STXBP4: variants seen among roughly 807,000 people sequenced by gnomAD.
STXBP4 encodes the protein syntaxin-binding protein 4.
STXBP4 carries 55 observed loss-of-function variants against 76.1 expected under a neutral mutation model. The ratio of observed to expected loss-of-function variants is 0.72; its 90% CI spans 0.58 to 0.91. STXBP4 has a LOEUF of 0.91. Ranked by LOEUF, STXBP4 falls within the 40% of genes least tolerant of loss-of-function variation. The pLI is 0.00. For synonymous variants in STXBP4, 201 were observed against 220.2 expected (o/e 0.91, Z 0.77); for missense variants, 618 against 636.9 (o/e 0.97, Z 0.32).
chr17:55,174,305 C>T (rs950744192), downstream of STXBP4, among the ~76,000 whole-genome samples: 2 of 152,214 alleles, frequency 1.3e-5, no homozygotes, highest in East Asian at 1.9e-4. Context: ...ATATTCCCAT[C>T]GGCTGTGTAT....
intron 16 of STXBP4, among the ~76,000 whole-genome samples, chr17:55,133,749 T>C (rs2787481): frequency 0.21 from 31,631 of 151,998 alleles, 3,832 homozygotes; most frequent in Non-Finnish European, 0.28. Flanking sequence ...TCACATACAG[T>C]CATAAGTGAA....
the STXBP4 span, among the ~76,000 whole-genome samples, chr17:55,190,708 G>A: frequency 6.6e-6 from 1 of 152,196 alleles, no homozygotes; most frequent in Non-Finnish European, 1.5e-5. Flanking sequence ...TGTGGTTTGG[G>A]TGGCAATTTC....
chr17:55,183,668 G>T, the STXBP4 span, among the ~76,000 whole-genome samples: 3 of 152,126 alleles, frequency 2.0e-5, no homozygotes, highest in Admixed American at 6.5e-5. Flanking sequence ...ATTGTAAAAG[G>T]ATATAAAAAG....
At chr17:55,129,848 A>C (rs2079955749) in intron 16 of STXBP4, among the ~76,000 whole-genome samples, 1 of 152,210 alleles carries the variant, frequency 6.6e-6, no homozygotes, top group South Asian at 2.1e-4. Flanking sequence ...CCAAATACTA[A>C]TCTAGGTGCT....
At chr17:55,147,690 G>A (rs964213472) in intron 17 of STXBP4, among the ~76,000 whole-genome samples, 27 of 152,102 alleles carry the variant, frequency 1.8e-4, no homozygotes, top group East Asian at 9.6e-4. Context: ...TTACAAATGC[G>A]TATCAGTAGA....
At chr17:55,200,354 T>C in the STXBP4 span, among the ~76,000 whole-genome samples, 580 of 152,306 alleles carry the variant, frequency 3.8e-3, 6 homozygotes, top group African/African-American at 0.013. Flanking sequence ...AATGAAACTA[T>C]CTTAGGAGGT....
rs1315256942 is a variant in STXBP4, at chr17:55,160,845, T to C, written c.*934T>C. On this transcript the variant is annotated 3_prime_UTR_variant, in exon 18 of 18. Transcript: ENST00000376352. ...CCAAGTAGGCGCACTCTTTGTGATA[T>C]TGTTTCAGCAGACTTCTTTCAGCAG... The C allele has an allele frequency of 6.6e-6, 1 of 152,348 alleles. No homozygotes were observed. The highest frequency in any genetic ancestry group is 2.4e-5 in the African/African-American group (1 of 41,460). 9.4% of individuals were successfully genotyped at this position (152,348 alleles called of 1,614,324 possible).
At chr17:54,973,005 C>T (rs1014742928) in intron 1 of STXBP4, among the ~76,000 whole-genome samples, 2 of 151,964 alleles carry the variant, frequency 1.3e-5, no homozygotes, top group East Asian at 1.9e-4. Context: ...ACAAAAGTGA[C>T]GAGGAAGAAA....
intron 7 of STXBP4, among the ~76,000 whole-genome samples, chr17:55,006,279 CTATT>C (rs1300233378): frequency 5.3e-5 from 8 of 152,060 alleles, no homozygotes; most frequent in African/African-American, 1.2e-4. Context: ...TAGAGGAAGA[CTATT>C]TATTTTCATA....
chr17:55,017,590 G>T (rs1236501982), intron 8 of STXBP4, among the ~76,000 whole-genome samples: 2 of 152,234 alleles, frequency 1.3e-5, no homozygotes, highest in African/African-American at 4.8e-5. Flanking sequence ...TCGTGGTCGG[G>T]ACCCAGGAGG....
chr17:54,971,633 G>C lies in STXBP4; in HGVS notation c.-157+2818G>C, dbSNP rs927773787. Among the ~76,000 whole-genome samples the C allele has an allele frequency of 3.3e-5, 5 of 152,130 alleles. No homozygotes were observed. In the East Asian group the frequency reaches 9.6e-4, roughly 29 times the overall value. ...AATTCTTTACATCATGTTATTCATG[G>C]ACTCTACATAAATTACCCCATTTGT... On this transcript the variant is annotated intron_variant, in intron 1 of 17. Transcript: ENST00000376352.
At chr17:55,002,483 G>A (rs960337630) in intron 7 of STXBP4, among the ~76,000 whole-genome samples, 11 of 152,230 alleles carry the variant, frequency 7.2e-5, no homozygotes, top group African/African-American at 2.6e-4. Flanking sequence ...TTATATGCAT[G>A]TATTTGTTTA....
At position 55,162,644 on chromosome 17, in the gene STXBP4, A is replaced by C. The variant is rs1275227403; in HGVS notation, c.*2733A>C. On this transcript the variant is annotated 3_prime_UTR_variant, in exon 18 of 18. Transcript: ENST00000376352. The stretch of plus-strand genomic sequence containing the variant: ...GCTGCTTCTTAATTTTTGAATTTTA[A>C]AACTAATCTATTTTATTTAAAAAAA... 3 of 151,700 alleles carry C rather than the reference A, an allele frequency of 2.0e-5. No homozygotes were observed. The highest frequency in any genetic ancestry group is 4.4e-5 in the Non-Finnish European group (3 of 67,948). 9.4% of individuals were successfully genotyped at this position (151,700 alleles called of 1,614,324 possible).
At chr17:55,144,487 G>A (rs1424481467) in intron 17 of STXBP4, among the ~76,000 whole-genome samples, 1 of 152,056 alleles carries the variant, frequency 6.6e-6, no homozygotes, top group Admixed American at 6.6e-5. Flanking sequence ...AGTTCTACAG[G>A]GGATATTACG....
downstream of STXBP4, among the ~76,000 whole-genome samples, chr17:55,174,941 G>A (rs1009092963): frequency 2.0e-5 from 3 of 151,956 alleles, no homozygotes; most frequent in Non-Finnish European, 2.9e-5. Flanking sequence ...GGAGAACGGC[G>A]TGAACCTGGG....
intron 12 of STXBP4, among the ~76,000 whole-genome samples, chr17:55,048,435 T>G (rs2078819175): frequency 6.6e-6 from 1 of 151,780 alleles, no homozygotes; most frequent in Non-Finnish European, 1.5e-5. Flanking sequence ...ACTGAAAAAG[T>G]CAGATGATAT....
intron 7 of STXBP4, among the ~76,000 whole-genome samples, chr17:55,005,582 A>G (rs2077991741): frequency 6.6e-6 from 1 of 152,202 alleles, no homozygotes; most frequent in African/African-American, 2.4e-5. Flanking sequence ...TCAGTGTGTC[A>G]GTGTTGTAGG....
intron 1 of STXBP4, among the ~76,000 whole-genome samples, chr17:54,980,695 G>T (rs1337140211): frequency 6.6e-6 from 1 of 152,142 alleles, no homozygotes; most frequent in Non-Finnish European, 1.5e-5. Flanking sequence ...TCATCCTTTT[G>T]TGGAGAGGTA....
rs1386956940 is a variant in STXBP4, at chr17:55,101,565, A to T, written c.1489+20382A>T. Among the ~76,000 whole-genome samples the T allele has an allele frequency of 2.6e-5, 4 of 152,348 alleles. No homozygotes were observed. The East Asian group carries it at 7.7e-4, about 29-fold the overall frequency. ...GACACATAGTTGATACTCAATGATT[A>T]ATGAATGAATTCCTCATTAAGTTAT... is the stretch of plus-strand genomic sequence containing the variant. On this transcript the variant is annotated intron_variant, in intron 16 of 17. Coordinates refer to ENST00000376352, the MANE Select transcript of STXBP4 (RefSeq NM_178509.6).
Sources: allele counts gnomAD v4.1 joint callset (sites outside exome capture counted in the v4.1 genomes callset), GRCh38; gene constraint gnomAD v4.1.1; transcripts MANE v1.5; gene names NCBI Gene and HGNC (gene_info 2026-07-23, HGNC 2026-07-21).